Variants in NPAS4 observed in about 807,000 individuals in gnomAD.
NPAS4 encodes neuronal PAS domain-containing protein 4.
NPAS4 carries 10 observed loss-of-function variants against 64.0 expected under a neutral mutation model. That is an observed-to-expected ratio of 0.16 (90% CI 0.10 to 0.26). The LOEUF is 0.26. Ranked by LOEUF, NPAS4 falls within the 10% of genes least tolerant of loss-of-function variation. NPAS4 has a pLI of 1.00. For synonymous variants in NPAS4, 441 were observed against 411.7 expected, an observed-to-expected ratio of 1.07 and a Z score of -0.86; for missense variants, 886 against 992.6, an observed-to-expected ratio of 0.89 and a Z score of 1.44.
In NPAS4 at chr11:66,422,478, A is replaced by G. The variant is rs760734772; in HGVS notation, c.355A>G (p.Ile119Val). 4 of 1,614,014 alleles carry G rather than the reference A, an allele frequency of 2.5e-6. No individual in the cohort carries two copies. The highest frequency in any genetic ancestry group is 3.4e-6 in the Non-Finnish European group (4 of 1,179,954). The change falls in exon 3 of 8, where the codon ATC (isoleucine) becomes GTC (valine). Residue 119 changes from isoleucine (I) to valine (V), a missense_variant. Transcript: ENST00000311034. The part of the protein sequence containing the change: ...MVDLVAQGDS[I>V]YDIIDPADHL... ...GGACCTGGTTGCCCAGGGTGACAGCATCTACGACATCATTGACCCAGCTGA... is the reference window on the plus strand; with the variant it reads ...GGACCTGGTTGCCCAGGGTGACAGCGTCTACGACATCATTGACCCAGCTGA...
Position 66,421,199 on chromosome 11 carries a change from G to A in NPAS4, c.20G>A (p.Gly7Asp), listed in dbSNP as rs1469407465. ...CCGGTCATGTACCGCTCCACCAAGG[G>A]CGCCTCCAAGGCGCGCCGGGACCAG... MYRSTK[G>D]ASKARRDQIN... The change falls in exon 1 of 8, where the codon GGC becomes GAC. Residue 7 changes from glycine to aspartate, a missense_variant. This residue lies in a region of NPAS4 where 38 missense variants were observed against 80.1 expected (regional missense o/e 0.47). Coordinates refer to ENST00000311034, the MANE Select transcript of NPAS4 (RefSeq NM_178864.4). The A allele has an allele frequency of 6.2e-7, 1 of 1,611,150 alleles. No homozygotes were observed.
upstream of NPAS4, chr11:66,417,196 G>A (rs1856681270): frequency 6.6e-6 from 1 of 152,140 alleles, no homozygotes; most frequent in African/African-American, 2.4e-5. Flanking sequence ...GGCAACAGAT[G>A]CGAGCTCGTC....
rs545516410 is a variant in NPAS4 at position 66,426,189 on chromosome 11, G to T, written c.*200G>T. ...CTTCTTTTTAAAATCAAGAGACTTCGAGCGATCCCAGTTTCCATTTCAATC... is the reference window on the plus strand; with the variant it reads ...CTTCTTTTTAAAATCAAGAGACTTCTAGCGATCCCAGTTTCCATTTCAATC... On this transcript the variant is annotated 3_prime_UTR_variant, in exon 8 of 8. Coordinates refer to ENST00000311034, the MANE Select transcript of NPAS4 (RefSeq NM_178864.4). The T allele has an allele frequency of 1.8e-6, 1 of 566,046 alleles. No individual in the cohort carries two copies. Among genetic ancestry groups the T allele is most frequent in the African/African-American group, 1.9e-5 (1 of 53,216 alleles). 35.1% of individuals were successfully genotyped at this position (566,046 alleles called of 1,614,324 possible). A position where few individuals can be genotyped will look rare whatever the true frequency, so the allele number is the denominator to read the frequency against.
chr11:66,424,881 G>A lies in NPAS4; in HGVS notation c.1991G>A (p.Gly664Glu), dbSNP rs771288927. The A allele has an allele frequency of 7.4e-6, 12 of 1,613,206 alleles. No homozygotes were observed. The highest frequency in any genetic ancestry group is 1.6e-4 in the Middle Eastern group (1 of 6,076). The stretch of plus-strand genomic sequence containing the variant: ...ACTGGCGGACTAGAGCCACTTGGAG[G>A]ACTGGAGCCCCTGGACTCCAACCTG... ...AGTGGLEPLG[G>E]LEPLDSNLSL... The change falls in exon 7 of 8, where the codon GGA (glycine) becomes GAA (glutamate). Residue 664 changes from glycine (G) to glutamate (E), a missense_variant. Transcript: ENST00000311034.
Position 66,422,952 on chromosome 11 carries a change from A to T in NPAS4, c.698+11A>T. ...GGACATCTCCGAGAGGTAAGCCTGG[A>T]GTGTTCAGATTCCAAGAGAAAGGCA... is the stretch of plus-strand genomic sequence containing the variant. On this transcript the variant is annotated intron_variant, in intron 4 of 7. Transcript: ENST00000311034. 1.2e-6 allele frequency: 2 copies of T among 1,601,280 alleles called. No homozygotes were observed. The highest frequency in any genetic ancestry group is 2.2e-5 in the East Asian group (1 of 44,838).
At chr11:66,417,956 G>T (rs1856689508), upstream of NPAS4, among the ~76,000 whole-genome samples, 1 of 152,030 alleles carries the variant, frequency 6.6e-6, no homozygotes, top group Non-Finnish European at 1.5e-5. Flanking sequence ...CAGACACACA[G>T]GACACACAAA....
chr11:66,421,007 A>C, upstream of NPAS4: 1 of 605,714 alleles, frequency 1.7e-6, no homozygotes, highest in Non-Finnish European at 2.9e-6. Context: ...GGCAGGAGCT[A>C]TATAAGGCGG....
upstream of NPAS4, among the ~76,000 whole-genome samples, chr11:66,417,304 G>A (rs1202007410): frequency 6.6e-6 from 1 of 151,748 alleles, no homozygotes; most frequent in Non-Finnish European, 1.5e-5. Flanking sequence ...GTGTGTGCAT[G>A]CGCGCTACAC....
intron 1 of NPAS4, among the ~76,000 whole-genome samples, chr11:66,421,743 G>A (rs1257245743): frequency 1.3e-5 from 2 of 152,220 alleles, no homozygotes; most frequent in Non-Finnish European, 2.9e-5. Flanking sequence ...ATCTCCTGTC[G>A]CCTTCGGGGC....
the NPAS4 span, among the ~76,000 whole-genome samples, chr11:66,411,592 T>C: frequency 0.57 from 87,171 of 152,048 alleles, 27,782 homozygotes; most frequent in South Asian, 0.79. Flanking sequence ...CCCTTCAACC[T>C]GATGGTCCTT....
At chr11:66,419,821 C>T (rs1856711855), upstream of NPAS4, among the ~76,000 whole-genome samples, 1 of 152,128 alleles carries the variant, frequency 6.6e-6, no homozygotes, top group African/African-American at 2.4e-5. Flanking sequence ...AGCCAGGAGC[C>T]TTAGAGGCGC....
chr11:66,422,889 A>C lies in NPAS4; in HGVS notation c.646A>C (p.Met216Leu). 3 of 1,610,458 alleles carry C rather than the reference A, an allele frequency of 1.9e-6. No individual in the cohort carries two copies. The highest frequency in any genetic ancestry group is 2.5e-6 in the Non-Finnish European group (3 of 1,180,000). ...TGGCCCTGCCTCGCTCTTCCTGGCC[A>C]TGTTCCAGAGCCGCCATGCTAAAGA... is the stretch of plus-strand genomic sequence containing the variant. ...GPGPASLFLA[M>L]FQSRHAKDLA... The change falls in exon 4 of 8, where the codon ATG becomes CTG. Residue 216 changes from methionine (M) to leucine (L), a missense_variant. Coordinates refer to ENST00000311034, the MANE Select transcript of NPAS4 (RefSeq NM_178864.4).
Position 66,424,651 on chromosome 11 carries a change from G to C in NPAS4, c.1761G>C (p.Thr587=). 1.2e-6 allele frequency: 2 copies of C among 1,614,068 alleles called. No individual in the cohort carries two copies. The highest frequency in any genetic ancestry group is 1.7e-6 in the Non-Finnish European group (2 of 1,179,934). The change falls in exon 7 of 8, where the codon ACG becomes ACC. Residue 587 remains threonine (T), a synonymous_variant. Transcript: ENST00000311034. ...GCAGCCCTGGTAATGGGGACTGCACGCTCTTGGCCCTAGCCCAGCTCCGGG... is the reference window on the plus strand; with the variant it reads ...GCAGCCCTGGTAATGGGGACTGCACCCTCTTGGCCCTAGCCCAGCTCCGGG... ...SPSSPGNGDC[T]LLALAQLRGP...
Position 66,425,961 on chromosome 11 carries a change from A to G in NPAS4, c.2381A>G (p.Asp794Gly), listed in dbSNP as rs1856833221. The G allele has an allele frequency of 6.2e-7, 1 of 1,609,748 alleles. No individual in the cohort carries two copies. Among genetic ancestry groups the G allele is most frequent in the Non-Finnish European group, 8.5e-7 (1 of 1,176,016 alleles). Residue 794 changes from aspartate (D) to glycine (G), a missense_variant and splice_region_variant, in exon 8 of 8, where the codon GAT becomes GGT. Asp to Gly is a moderately conservative substitution (Grantham distance 94). Transcript: ENST00000311034. ...GTTCTCTCTATCTATCTCTCTGCAG[A>G]TGGAAGTGGAGGGGAACCAACGTTT... is the stretch of plus-strand genomic sequence containing the variant. Reference protein sequence around the residue: ...QSQVQDSFHEDGSGGEPTF With the variant: ...QSQVQDSFHEGGSGGEPTF
At chr11:66,410,003 C>A in the NPAS4 span, 1 of 152,262 alleles carries the variant, frequency 6.6e-6, no homozygotes, top group African/African-American at 2.4e-5. Flanking sequence ...TTTCTGGAAC[C>A]AAACATTTCC....
chr11:66,422,431 T>C lies in NPAS4; in HGVS notation c.328-20T>C. 2 of 1,582,508 alleles carry C rather than the reference T, an allele frequency of 1.3e-6. No individual in the cohort carries two copies. Among genetic ancestry groups the C allele is most frequent in the Non-Finnish European group, 1.7e-6 (2 of 1,151,298 alleles). On this transcript the variant is annotated intron_variant, in intron 2 of 7. Coordinates refer to ENST00000311034, the MANE Select transcript of NPAS4 (RefSeq NM_178864.4). ...CCTGCTGTTCTCCCTAATGGTCATC[T>C]CTTCTTTTCCTCCCTCCAGGTGGAC...
At chr11:66,418,741 A>G (rs751509974), upstream of NPAS4, among the ~76,000 whole-genome samples, 13 of 151,848 alleles carry the variant, frequency 8.6e-5, no homozygotes, top group Non-Finnish European at 1.8e-4. Flanking sequence ...CCCCCTGCAA[A>G]CCCTCCATAT....
chr11:66,411,800 T>C, the NPAS4 span, among the ~76,000 whole-genome samples: 1 of 152,192 alleles, frequency 6.6e-6, no homozygotes, highest in Non-Finnish European at 1.5e-5. Context: ...TTGTTGCCCC[T>C]CGGCCCAGTC....
In NPAS4 at chr11:66,422,679, C is replaced by A. The variant is rs768311502; in HGVS notation, c.436C>A (p.Leu146Ile). 3 of 1,613,950 alleles carry A rather than the reference C, an allele frequency of 1.9e-6. No homozygotes were observed. In the South Asian group the frequency reaches 3.3e-5, roughly 18 times the overall value. The stretch of plus-strand genomic sequence containing the variant: ...TTTTCTCTTCATCTATCTAGATCGC[C>A]TCTTCCGCTGCCGCTTCAACACCTC... ...TLPSALDTDR[L>I]FRCRFNTSKS... Residue 146 changes from leucine to isoleucine, a missense_variant, in exon 4 of 8, where the codon CTC becomes ATC. By Grantham distance (5) the Leu-to-Ile change is conservative. Transcript: ENST00000311034.
Sources: allele counts gnomAD v4.1 joint callset (sites outside exome capture counted in the v4.1 genomes callset), GRCh38; gene constraint gnomAD v4.1.1; regional missense constraint gnomAD v4.1.1; transcripts MANE v1.5; gene names NCBI Gene and HGNC (gene_info 2026-07-23, HGNC 2026-07-21).